Variants in NCKAP5 observed in about 807,000 individuals in gnomAD.
NCKAP5 encodes the protein nck-associated protein 5.
In NCKAP5, 92 loss-of-function variants were observed where a neutral mutation model predicts 167.0. The observed-to-expected ratio is 0.55, with a 90% CI of 0.47 to 0.66. NCKAP5 has a LOEUF of 0.66. Among genes scored for constraint, NCKAP5 ranks in the 30% least tolerant of loss-of-function variants. NCKAP5 has a pLI of 0.00. For missense variants in NCKAP5, 2,378 were observed against 2,315.0 expected (o/e 1.03, Z -0.56); for synonymous variants, 891 against 877.4 (o/e 1.02, Z -0.27).
At position 133,014,794 on chromosome 2, in the gene NCKAP5, T is replaced by C. The variant is rs377673336; in HGVS notation, c.342-20555A>G. Among the ~76,000 whole-genome samples, 119 of 152,292 alleles carry C rather than the reference T, an allele frequency of 7.8e-4. 1 individual carries two copies. Among genetic ancestry groups the C allele is most frequent in the South Asian group, 2.9e-3 (14 of 4,828 alleles). On this transcript the variant is annotated intron_variant, in intron 6 of 19. Transcript: ENST00000409261. Reference sequence around the variant, plus strand: ...TATAGAGACTACTGCTTGAAATCAGTGGATCATGAGATGATAAACGTTCCC... The same window carrying C: ...TATAGAGACTACTGCTTGAAATCAGCGGATCATGAGATGATAAACGTTCCC...
At chr2:132,986,897 G>A (rs13415663) in intron 7 of NCKAP5, among the ~76,000 whole-genome samples, 2 of 152,042 alleles carry the variant, frequency 1.3e-5, no homozygotes, top group African/African-American at 2.4e-5. Flanking sequence ...CCAAACTTAT[G>A]AATCCAGGAG....
At chr2:133,673,692 T>C in the NCKAP5 span, among the ~76,000 whole-genome samples, 3 of 152,242 alleles carry the variant, frequency 2.0e-5, no homozygotes, top group African/African-American at 7.2e-5. Context: ...CCACCGTTTA[T>C]CTTGGCAGCA....
Position 133,061,376 on chromosome 2 carries a change from C to A in NCKAP5, c.342-67137G>T, listed in dbSNP as rs2079995130. 2.0e-5 allele frequency among the ~76,000 whole-genome samples: 3 copies of A among 152,226 alleles called. No individual in the cohort carries two copies. The South Asian group carries it at 6.2e-4, about 32-fold the overall frequency. On this transcript the variant is annotated intron_variant, in intron 6 of 19. Transcript: ENST00000409261. Reference sequence around the variant, plus strand: ...CTATAGGCATTTGTAAATATTATCTCATTTAATCCTCAAAACTCGCATTCT... The same window carrying A: ...CTATAGGCATTTGTAAATATTATCTAATTTAATCCTCAAAACTCGCATTCT...
intron 9 of NCKAP5, among the ~76,000 whole-genome samples, chr2:132,876,094 T>C (rs960203028): frequency 6.6e-6 from 1 of 152,104 alleles, no homozygotes; most frequent in Non-Finnish European, 1.5e-5. Context: ...ACATTTTGTT[T>C]ATTTATTTGA....
intron 7 of NCKAP5, among the ~76,000 whole-genome samples, chr2:132,969,548 C>T (rs2076769965): frequency 1.3e-5 from 2 of 152,104 alleles, no homozygotes; most frequent in African/African-American, 4.8e-5. Context: ...GGTGTCCCAA[C>T]CCTGGAGGAG....
chr2:133,482,120 T>A, intron 3 of NCKAP5, among the ~76,000 whole-genome samples: 1 of 152,216 alleles, frequency 6.6e-6, no homozygotes, highest in East Asian at 1.9e-4. Flanking sequence ...ATAATAACTT[T>A]CAGTTCTCAT....
At chr2:133,604,766 G>A in the NCKAP5 span, among the ~76,000 whole-genome samples, 1 of 152,180 alleles carries the variant, frequency 6.6e-6, no homozygotes, top group African/African-American at 2.4e-5. Flanking sequence ...TCAGTAGTCA[G>A]TACACGAGTA....
chr2:133,048,346 G>A (rs1369186138), intron 6 of NCKAP5, among the ~76,000 whole-genome samples: 1 of 152,148 alleles, frequency 6.6e-6, no homozygotes, highest in African/African-American at 2.4e-5. Context: ...AAATGTGCCT[G>A]GCATATAGAA....
chr2:133,375,463 A>T (rs572339741), intron 3 of NCKAP5, among the ~76,000 whole-genome samples: 1 of 152,344 alleles, frequency 6.6e-6, no homozygotes, highest in Non-Finnish European at 1.5e-5. Context: ...TCATGGGTAC[A>T]TGTGAAGGAT....
intron 6 of NCKAP5, among the ~76,000 whole-genome samples, chr2:133,026,659 G>C (rs1368077281): frequency 6.6e-6 from 1 of 152,114 alleles, no homozygotes; most frequent in Non-Finnish European, 1.5e-5. Context: ...AGGAGAGCTT[G>C]GATCAGAGAC....
chr2:132,875,666 T>C (rs2148796259), intron 9 of NCKAP5, among the ~76,000 whole-genome samples: 1 of 152,338 alleles, frequency 6.6e-6, no homozygotes. Context: ...GCCAAGGCAA[T>C]ACTGTGAATA....
At chr2:132,994,307 T>C (rs2077529029) in intron 6 of NCKAP5, 68 bp from the exon 7 acceptor site, 1 of 1,096,626 alleles carries the variant, frequency 9.1e-7, no homozygotes, top group Non-Finnish European at 1.3e-6. Flanking sequence ...ACTCGAGTTG[T>C]AGAAATCACT....
At chr2:133,270,050 G>C (rs191986515) in intron 4 of NCKAP5, among the ~76,000 whole-genome samples, 20 of 152,226 alleles carry the variant, frequency 1.3e-4, no homozygotes, top group Middle Eastern at 3.4e-3. Context: ...AGCTTATATG[G>C]GTTAAGACTG....
chr2:133,337,673 G>A, intron 3 of NCKAP5, among the ~76,000 whole-genome samples: 1 of 152,152 alleles, frequency 6.6e-6, no homozygotes, highest in East Asian at 1.9e-4. Flanking sequence ...ACAGCAAGAA[G>A]GTGGCCATCT....
In NCKAP5 at chr2:133,225,779, C is replaced by CTTTTTTTTT. The variant is rs1003972708; in HGVS notation, c.144-12009_144-12001dup. On this transcript the variant is annotated intron_variant, in intron 4 of 19. Transcript: ENST00000409261. ...CAGGTGTGGGTCATCATGCCCTGTT[C>CTTTTTTTTT]TTTTTTTTTTTTTTTTTTTTTTTTT... 6.3e-4 allele frequency among the ~76,000 whole-genome samples: 25 copies of CTTTTTTTTT among 39,724 alleles called. 6 individuals are homozygous for CTTTTTTTTT. The highest frequency in any genetic ancestry group is 8.1e-4 in the Non-Finnish European group (16 of 19,680). The allele number at this position is 39,724 out of a possible 152,430, so 26.1% of individuals were successfully genotyped here.
chr2:133,206,211 T>G (rs1250019793), intron 5 of NCKAP5, among the ~76,000 whole-genome samples: 1 of 152,174 alleles, frequency 6.6e-6, no homozygotes, highest in African/African-American at 2.4e-5. Context: ...TTTAAGGAAA[T>G]TTCCATTTTT....
intron 18 of NCKAP5, among the ~76,000 whole-genome samples, chr2:132,727,094 G>A (rs1180498259): frequency 6.6e-6 from 1 of 152,216 alleles, no homozygotes; most frequent in Non-Finnish European, 1.5e-5. Context: ...GAGTTTCAAG[G>A]ATTTCCAGTG....
upstream of NCKAP5, among the ~76,000 whole-genome samples, chr2:133,570,238 A>C (rs1394885875): frequency 6.6e-6 from 1 of 152,194 alleles, no homozygotes; most frequent in East Asian, 1.9e-4. Flanking sequence ...AAAAGGTGGA[A>C]AGAACTTTCA....
chr2:133,045,598 C>T (rs2079370891), intron 6 of NCKAP5, among the ~76,000 whole-genome samples: 1 of 151,902 alleles, frequency 6.6e-6, no homozygotes, highest in South Asian at 2.1e-4. Flanking sequence ...CAGGGGATGC[C>T]TGAAATAGTG....
Sources: allele counts gnomAD v4.1 joint callset (sites outside exome capture counted in the v4.1 genomes callset), GRCh38; gene constraint gnomAD v4.1.1; transcripts MANE v1.5; gene names NCBI Gene and HGNC (gene_info 2026-07-23, HGNC 2026-07-21).